DMD: variants seen among roughly 807,000 people sequenced by gnomAD.
DMD encodes mutant dystrophin.
Under a neutral mutation model 330.1 loss-of-function variants are expected in DMD, and 63 were observed. That is an observed-to-expected ratio of 0.19 (90% CI 0.16 to 0.24). The LOEUF (loss-of-function observed/expected upper bound fraction) is 0.24. Ranked by LOEUF, DMD falls within the 10% of genes least tolerant of loss-of-function variation. The pLI is 1.00. For synonymous variants in DMD, 1,223 were observed against 959.8 expected, an observed-to-expected ratio of 1.27 and a Z score of -5.07; for missense variants, 3,344 against 2,684.1, an observed-to-expected ratio of 1.25 and a Z score of -5.43.
At chrX:31,544,666 T>C (rs1376979559) in intron 55 of DMD, among the ~76,000 whole-genome samples, 2 of 111,614 alleles carry the variant, frequency 1.8e-5, no homozygotes, top group African/African-American at 6.5e-5. Context: ...CCCTGATTCT[T>C]TGGGTCATTT....
At chrX:32,486,939 G>C (rs953879173) in intron 20 of DMD, among the ~76,000 whole-genome samples, 80 of 109,827 alleles carry the variant, frequency 7.3e-4, no homozygotes, top group Admixed American at 9.8e-4. Flanking sequence ...GCATAGGCAT[G>C]GGCAAGGACT....
chrX:31,556,223 C>T (rs1287570960), intron 55 of DMD, among the ~76,000 whole-genome samples: 2 of 108,165 alleles, frequency 1.8e-5, no homozygotes, highest in Non-Finnish European at 3.8e-5. Flanking sequence ...CAAAATTAGC[C>T]AGACATGGTG....
At chrX:31,549,290 A>C (rs1189043961) in intron 55 of DMD, among the ~76,000 whole-genome samples, 26 of 110,834 alleles carry the variant, frequency 2.3e-4, no homozygotes, top group African/African-American at 8.5e-4. Flanking sequence ...AGATGATCTG[A>C]ATTATCAGAA....
intron 1 of DMD, among the ~76,000 whole-genome samples, chrX:33,176,283 TG>T (rs1416699740): frequency 3.3e-4 from 37 of 111,176 alleles, no homozygotes; most frequent in Non-Finnish European, 5.7e-5. Flanking sequence ...TTTTCTAATC[TG>T]GAAACTTCTG....
At chrX:32,361,383 C>A (rs12856584) in intron 37 of DMD, among the ~76,000 whole-genome samples, 47,537 of 110,345 alleles carry the variant, frequency 0.43, 7,850 homozygotes, top group East Asian at 0.7. Context: ...CTACTAAGTT[C>A]TCTCATGCTG....
intron 44 of DMD, among the ~76,000 whole-genome samples, chrX:32,163,194 C>G (rs1423828646): frequency 1.8e-5 from 2 of 111,687 alleles, no homozygotes; most frequent in Non-Finnish European, 3.8e-5. Context: ...CACCCCATAC[C>G]CCATTCATCA....
At chrX:31,341,490 C>T (rs186291716) in intron 61 of DMD, among the ~76,000 whole-genome samples, 3 of 112,019 alleles carry the variant, frequency 2.7e-5, no homozygotes, top group South Asian at 7.4e-4. Context: ...TAACCGCTAT[C>T]GATACCATTT....
chrX:32,305,092 G>A (rs1244747280), intron 42 of DMD, among the ~76,000 whole-genome samples: 1 of 111,117 alleles, frequency 9.0e-6, no homozygotes, highest in Non-Finnish European at 1.9e-5. Context: ...ATAAACAATC[G>A]TTCTTTTATT....
rs1226368643 is a variant in DMD at position 31,721,718 on chromosome X, CTATATA to C, written c.7660+7907_7660+7912del. On this transcript the variant is annotated intron_variant, in intron 52 of 78. Coordinates refer to ENST00000357033, the MANE Select transcript of DMD (RefSeq NM_004006.3). ...TCTCTCTCTCTCTCTCTCTCTCTCTCTATATATATATATATATATATATATATCTCC... is the reference window on the plus strand; with the variant it reads ...TCTCTCTCTCTCTCTCTCTCTCTCTCTATATATATATATATATATATCTCC... Among the ~76,000 whole-genome samples, 292 of 56,447 alleles carry C rather than the reference CTATATA, an allele frequency of 5.2e-3. 2 individuals carry two copies. Among genetic ancestry groups the C allele is most frequent in the Non-Finnish European group, 8.2e-3 (244 of 29,860 alleles). The allele number at this position is 56,447 out of a possible 115,157, so 49.0% of individuals were successfully genotyped here.
chrX:33,041,314 T>C, intron 1 of DMD: 2 of 1,077,271 alleles, frequency 1.9e-6, no homozygotes, highest in Admixed American at 5.2e-5. Flanking sequence ...CGACCAAGCC[T>C]AAATAGCTAC....
At chrX:31,569,335 G>A (rs1378243333) in intron 55 of DMD, among the ~76,000 whole-genome samples, 1 of 109,060 alleles carries the variant, frequency 9.2e-6, no homozygotes, top group Non-Finnish European at 1.9e-5. Context: ...AACCTTAGGA[G>A]TTATCTGATT....
intron 12 of DMD, among the ~76,000 whole-genome samples, chrX:32,606,735 A>G (rs2056744056): frequency 1.3e-5 from 1 of 74,955 alleles, no homozygotes; most frequent in Non-Finnish European, 2.9e-5. Flanking sequence ...ATATATATAT[A>G]TATATATACA....
intron 9 of DMD, among the ~76,000 whole-genome samples, chrX:32,658,064 C>A (rs970134389): frequency 4.5e-5 from 5 of 111,461 alleles, no homozygotes; most frequent in Non-Finnish European, 7.5e-5. Flanking sequence ...TCTAGAATGA[C>A]CGTAGTCCAT....
chrX:31,724,046 A>G (rs2085805929), intron 52 of DMD, among the ~76,000 whole-genome samples: 1 of 112,224 alleles, frequency 8.9e-6, no homozygotes, highest in African/African-American at 3.2e-5. Context: ...AGGCATTCAA[A>G]CGTTCGCTGA....
At chrX:32,670,983 G>A (rs1029935568) in intron 9 of DMD, among the ~76,000 whole-genome samples, 1 of 110,485 alleles carries the variant, frequency 9.1e-6, no homozygotes, top group African/African-American at 3.3e-5. Context: ...ACATTCCCCA[G>A]GGTTTGCTTA....
intron 62 of DMD, among the ~76,000 whole-genome samples, chrX:31,310,462 C>G (rs1441053826): frequency 9.1e-6 from 1 of 109,668 alleles, no homozygotes; most frequent in Non-Finnish European, 1.9e-5. Context: ...ATTAATCTAG[C>G]CTTTATTTGA....
intron 55 of DMD, among the ~76,000 whole-genome samples, chrX:31,556,848 C>A (rs1265218652): frequency 8.9e-6 from 1 of 111,822 alleles, no homozygotes; most frequent in Non-Finnish European, 1.9e-5. Context: ...ATGCTCTGGC[C>A]TTTATTTCAA....
chrX:33,327,115 A>G (rs1056269193), intron 1 of DMD, among the ~76,000 whole-genome samples: 3 of 112,308 alleles, frequency 2.7e-5, no homozygotes, highest in African/African-American at 9.7e-5. Flanking sequence ...CATACAGTGA[A>G]ACAACTATAA....
chrX:31,972,985 T>C (rs1720721161), intron 44 of DMD, among the ~76,000 whole-genome samples: 2 of 112,261 alleles, frequency 1.8e-5, no homozygotes, highest in Non-Finnish European at 3.8e-5. Flanking sequence ...CCAGTCATGC[T>C]AATTATTAGA....
Sources: gnomAD v4.1 joint callset for allele counts (sites outside exome capture counted in the v4.1 genomes callset) on GRCh38, gnomAD v4.1.1 for gene constraint, MANE v1.5 for transcripts, NCBI Gene and HGNC (gene_info 2026-07-23, HGNC 2026-07-21) for gene names.